The following LRRC4C variants were observed in gnomAD, a reference collection of about 807,000 sequenced individuals.
LRRC4C encodes the protein leucine-rich repeat-containing protein 4C.
Under a neutral mutation model 33.6 loss-of-function variants are expected in LRRC4C, and 5 were observed. The ratio of observed to expected loss-of-function variants is 0.15; its 90% confidence interval spans 0.08 to 0.31. LRRC4C has a LOEUF of 0.31. Ranked by LOEUF, LRRC4C falls within the 10% of genes least tolerant of loss-of-function variation. The pLI is 1.00. For missense variants in LRRC4C, 560 were observed against 796.7 expected (o/e 0.70, Z 3.58); for synonymous variants, 329 against 302.0 (o/e 1.09, Z -0.93).
At chr11:40,145,276 G>A (rs908796587) in intron 5 of LRRC4C, among the ~76,000 whole-genome samples, 1 of 151,996 alleles carries the variant, frequency 6.6e-6, no homozygotes, top group Non-Finnish European at 1.5e-5. Flanking sequence ...CACCTCCTAG[G>A]TCAAAAACTG....
rs533569932 is a variant in LRRC4C, at chr11:40,646,588, A to G, written c.-270+1554T>C. ...AAAAGACAATTACATATGCTTTCAA[A>G]AAGAAAGATTCAAATCTTCTCTCTC... On this transcript the variant is annotated intron_variant, in intron 3 of 6. Coordinates refer to ENST00000528697, the MANE Select transcript of LRRC4C (RefSeq NM_001258419.2). Among the ~76,000 whole-genome samples the G allele has an allele frequency of 3.0e-4, 46 of 152,284 alleles. 1 individual carries two copies. Among genetic ancestry groups the G allele is most frequent in the Admixed American group, 7.2e-4 (11 of 15,292 alleles).
intron 1 of LRRC4C, among the ~76,000 whole-genome samples, chr11:41,153,244 T>C (rs1307677279): frequency 6.6e-6 from 1 of 152,178 alleles, no homozygotes; most frequent in Non-Finnish European, 1.5e-5. Context: ...TGTGCTGCCA[T>C]AGCCTCAGTT....
chr11:41,051,520 CAA>C (rs530003573), intron 1 of LRRC4C, among the ~76,000 whole-genome samples: 28 of 60,280 alleles, frequency 4.6e-4, no homozygotes, highest in African/African-American at 7.0e-4. Context: ...GGTCTCAAGG[CAA>C]AAAAAAAAAA....
chr11:40,900,303 A>G (rs1206012055), intron 2 of LRRC4C, among the ~76,000 whole-genome samples: 1 of 152,102 alleles, frequency 6.6e-6, no homozygotes, highest in South Asian at 2.1e-4. Flanking sequence ...ATCAATTTCA[A>G]TCATTTTCTT....
intron 1 of LRRC4C, among the ~76,000 whole-genome samples, chr11:41,073,945 C>G (rs1409128964): frequency 2.0e-5 from 3 of 152,120 alleles, no homozygotes; most frequent in Admixed American, 6.5e-5. Flanking sequence ...TCCATGATAT[C>G]TTGCATTGTT....
intron 1 of LRRC4C, among the ~76,000 whole-genome samples, chr11:41,150,426 A>C (rs1466147390): frequency 2.6e-5 from 4 of 152,190 alleles, no homozygotes; most frequent in Non-Finnish European, 5.9e-5. Flanking sequence ...TTCAAATTTA[A>C]TCTAAATATC....
intron 3 of LRRC4C, among the ~76,000 whole-genome samples, chr11:40,347,413 C>A (rs886549240): frequency 2.0e-4 from 31 of 152,132 alleles, no homozygotes; most frequent in Non-Finnish European, 4.4e-5. Flanking sequence ...TTCATATTGG[C>A]AACAGGCTGT....
chr11:40,728,898 G>A (rs1947422442), intron 2 of LRRC4C, among the ~76,000 whole-genome samples: 1 of 140,646 alleles, frequency 7.1e-6, no homozygotes, highest in Non-Finnish European at 1.5e-5. Context: ...ACCAAATAGT[G>A]CATATTCCTA....
chr11:40,962,677 TACA>T (rs1490185827), intron 1 of LRRC4C, among the ~76,000 whole-genome samples: 1 of 151,640 alleles, frequency 6.6e-6, no homozygotes, highest in African/African-American at 2.4e-5. Context: ...AAAACATATA[TACA>T]AATATGTAGA....
At chr11:41,242,040 C>A (rs1180892420) in intron 1 of LRRC4C, among the ~76,000 whole-genome samples, 1 of 152,120 alleles carries the variant, frequency 6.6e-6, no homozygotes, top group Non-Finnish European at 1.5e-5. Context: ...TAAACAAAAT[C>A]TTTTCCCTCT....
At position 41,088,351 on chromosome 11, in the gene LRRC4C, A is replaced by G. The variant is rs1402357830; in HGVS notation, c.-495-154628T>C. 2.6e-5 allele frequency among the ~76,000 whole-genome samples: 4 copies of G among 152,212 alleles called. No individual in the cohort carries two copies. In the East Asian group the frequency reaches 7.7e-4, roughly 29 times the overall value. ...CCTATTTTCTTGTTTTTGATTTTTT[A>G]AGAAAATATTAAAGGAGATTGTATG... is the stretch of plus-strand genomic sequence containing the variant. On this transcript the variant is annotated intron_variant, in intron 1 of 6. Coordinates refer to ENST00000528697, the MANE Select transcript of LRRC4C (RefSeq NM_001258419.2).
At chr11:40,709,407 C>CA (rs1171709510) in intron 2 of LRRC4C, among the ~76,000 whole-genome samples, 1 of 152,074 alleles carries the variant, frequency 6.6e-6, no homozygotes, top group Non-Finnish European at 1.5e-5. Context: ...CTGGTGGTGA[C>CA]AAAATCTCTC....
intron 2 of LRRC4C, among the ~76,000 whole-genome samples, chr11:40,855,471 G>T (rs1210645116): frequency 6.6e-6 from 1 of 152,116 alleles, no homozygotes; most frequent in Non-Finnish European, 1.5e-5. Context: ...GGTTGTGGAT[G>T]CTTGGCACAC....
intron 1 of LRRC4C, among the ~76,000 whole-genome samples, chr11:41,434,574 G>A (rs753924387): frequency 4.6e-5 from 7 of 152,072 alleles, no homozygotes; most frequent in African/African-American, 4.8e-5. Context: ...GAAGGACTTC[G>A]TGCACATCAA....
At chr11:40,682,084 T>C (rs1052492108) in intron 2 of LRRC4C, among the ~76,000 whole-genome samples, 1 of 151,856 alleles carries the variant, frequency 6.6e-6, no homozygotes, top group African/African-American at 2.4e-5. Context: ...TGCACCCCAA[T>C]TACTTACAGA....
intron 2 of LRRC4C, among the ~76,000 whole-genome samples, chr11:40,873,416 T>G (rs1394140507): frequency 1.3e-5 from 2 of 152,076 alleles, no homozygotes; most frequent in Non-Finnish European, 2.9e-5. Context: ...CCGTCAGAAA[T>G]GTAAAGATGA....
rs753906826 is a variant in LRRC4C, at chr11:40,696,281, C to CAT, written c.-406-48005_-406-48004dup. Reference sequence around the variant, plus strand: ...TATTATCTTCCCTACCACAATGCCACATATATATATATATATATGGTATAT... The same window carrying CAT: ...TATTATCTTCCCTACCACAATGCCACATATATATATATATATATATGGTATAT... On this transcript the variant is annotated intron_variant, in intron 2 of 6. Transcript: ENST00000528697. Among the ~76,000 whole-genome samples, 857 of 92,714 alleles carry CAT rather than the reference C, an allele frequency of 9.2e-3. 25 individuals are homozygous for CAT. The highest frequency in any genetic ancestry group is 0.019 in the African/African-American group (250 of 13,432). 60.8% of individuals were successfully genotyped at this position (92,714 alleles called of 152,430 possible).
intron 1 of LRRC4C, among the ~76,000 whole-genome samples, chr11:41,114,045 C>T (rs1389164521): frequency 1.3e-5 from 2 of 151,984 alleles, no homozygotes; most frequent in East Asian, 1.9e-4. Context: ...GCTTCACAAA[C>T]TGCTAATGTA....
chr11:41,038,028 T>C (rs1046982925), intron 1 of LRRC4C, among the ~76,000 whole-genome samples: 1 of 152,186 alleles, frequency 6.6e-6, no homozygotes, highest in African/African-American at 2.4e-5. Flanking sequence ...GCACAAAAAT[T>C]ATTATTTCTA....
Sources: allele counts gnomAD v4.1 joint callset (sites outside exome capture counted in the v4.1 genomes callset), GRCh38; gene constraint gnomAD v4.1.1; transcripts MANE v1.5; gene names NCBI Gene and HGNC (gene_info 2026-07-23, HGNC 2026-07-21).